LPIN2: variants seen among roughly 807,000 people sequenced by gnomAD.
The protein encoded by LPIN2 is phosphatidate phosphatase LPIN2.
A neutral mutation model predicts 111.4 loss-of-function variants in LPIN2; 55 were observed. The observed-to-expected ratio is 0.49, with a 90% confidence interval of 0.40 to 0.62. LPIN2 has a LOEUF of 0.62. LPIN2 is among the 20% of genes least tolerant of loss of function. The pLI is 0.00. For synonymous variants in LPIN2, 425 were observed against 414.0 expected, an observed-to-expected ratio of 1.03 and a Z score of -0.32; for missense variants, 992 against 1,112.1, an observed-to-expected ratio of 0.89 and a Z score of 1.54.
intron 4 of LPIN2, among the ~76,000 whole-genome samples, chr18:2,944,572 G>A (rs575201933): frequency 1.3e-5 from 2 of 151,906 alleles, no homozygotes; most frequent in Admixed American, 6.6e-5. Context: ...GGATGGTCTC[G>A]ATCTCCTGAC....
chr18:3,002,568 T>A (rs1371300199), intron 1 of LPIN2, among the ~76,000 whole-genome samples: 1 of 152,186 alleles, frequency 6.6e-6, no homozygotes, highest in Non-Finnish European at 1.5e-5. Flanking sequence ...GATGAAATGA[T>A]GGAAAAATCT....
intron 1 of LPIN2, chr18:2,977,330 A>G (rs2078037057): frequency 1.3e-5 from 2 of 152,222 alleles, no homozygotes; most frequent in African/African-American, 4.8e-5. Flanking sequence ...AAGTACATAC[A>G]CAGGTAACTA....
At chr18:2,936,813 C>G (rs2077292492) in intron 7 of LPIN2, among the ~76,000 whole-genome samples, 1 of 152,130 alleles carries the variant, frequency 6.6e-6, no homozygotes, top group South Asian at 2.1e-4. Flanking sequence ...ATCCTGAGCT[C>G]AAGTGATCTG....
intron 1 of LPIN2, among the ~76,000 whole-genome samples, chr18:2,988,012 C>CAAAAAAAAAAAAAAAAAAA (rs761121515): frequency 3.1e-5 from 1 of 32,348 alleles, no homozygotes; most frequent in Non-Finnish European, 6.4e-5. Flanking sequence ...GAGACTGTCT[C>CAAAAAAAAAAAAAAAAAAA]AAAAAAAAAA....
intron 6 of LPIN2, 81 bp downstream of exon 6, chr18:2,939,399 G>C: frequency 6.5e-7 from 1 of 1,542,148 alleles, no homozygotes; most frequent in East Asian, 2.3e-5. Flanking sequence ...GTCAGAAATT[G>C]CCTCCTTTAC....
At chr18:3,006,846 A>AT (rs1193764852) in intron 1 of LPIN2, among the ~76,000 whole-genome samples, 1 of 151,910 alleles carries the variant, frequency 6.6e-6, no homozygotes, top group East Asian at 1.9e-4. Context: ...CAAAAAAAAA[A>AT]AAAAGTAGCC....
intron 9 of LPIN2, among the ~76,000 whole-genome samples, chr18:2,930,607 G>A (rs529901534): frequency 1.5e-3 from 223 of 152,288 alleles, no homozygotes; most frequent in African/African-American, 5.2e-3. Flanking sequence ...AGGGGCCACA[G>A]GCCAAACTGA....
rs1458852702 is a variant in LPIN2, at chr18:3,006,653, C to T, written c.-10+6434G>A. Among the ~76,000 whole-genome samples the T allele has an allele frequency of 4.6e-5, 7 of 152,238 alleles. No homozygotes were observed. The South Asian group carries it at 6.2e-4, about 14-fold the overall frequency. ...GAGATCGAGACCACCCTGGCTAACA[C>T]GGTGAAACCCCGTCTCTACTAAAAA... On this transcript the variant is annotated intron_variant, in intron 1 of 19. Transcript: ENST00000677752.
rs73936870 is a variant in LPIN2 at position 2,937,652 on chromosome 18, A to G, written c.1168+40T>C. ...GGAACACTGAAATAATTTACCATCT[A>G]ATTTGAGAGTACCTGGAGCCAAATT... On this transcript the variant is annotated intron_variant, in intron 7 of 19. Coordinates refer to ENST00000677752, the MANE Select transcript of LPIN2 (RefSeq NM_001375808.2). 7,880 of 1,531,784 alleles carry G rather than the reference A, an allele frequency of 5.1e-3. 198 individuals carry two copies. In the African/African-American group the frequency reaches 0.072, roughly 14 times the overall value. The allele number at this position is 1,531,784 out of a possible 1,614,324, so 94.9% of individuals were successfully genotyped here. A position where few individuals can be genotyped will look rare whatever the true frequency, so the allele number is the denominator to read the frequency against.
At chr18:2,993,649 C>A (rs1175597742) in intron 1 of LPIN2, among the ~76,000 whole-genome samples, 2 of 152,186 alleles carry the variant, frequency 1.3e-5, no homozygotes, top group Non-Finnish European at 2.9e-5. Context: ...TACCTACACA[C>A]AACAGAGAGC....
intron 16 of LPIN2, among the ~76,000 whole-genome samples, chr18:2,922,754 T>C (rs936960600): frequency 1.3e-5 from 2 of 152,214 alleles, no homozygotes; most frequent in African/African-American, 2.4e-5. Context: ...AGTACTGATA[T>C]AAAATGTTCA....
chr18:2,980,750 C>T (rs574040422), intron 1 of LPIN2, among the ~76,000 whole-genome samples: 1 of 152,312 alleles, frequency 6.6e-6, no homozygotes, highest in East Asian at 1.9e-4. Flanking sequence ...GAGGTCTGGG[C>T]TCTGTGCCGG....
intron 1 of LPIN2, among the ~76,000 whole-genome samples, chr18:2,967,932 C>G (rs1450248297): frequency 1.3e-5 from 2 of 152,156 alleles, no homozygotes; most frequent in East Asian, 1.9e-4. Flanking sequence ...TGGCCTACCC[C>G]CCAGGAGCAC....
chr18:2,974,115 G>T (rs1380402740), intron 1 of LPIN2, among the ~76,000 whole-genome samples: 1 of 152,102 alleles, frequency 6.6e-6, no homozygotes, highest in Non-Finnish European at 1.5e-5. Flanking sequence ...GTTTTTTTGA[G>T]ATGCAGTCTT....
At chr18:2,921,172 A>AG in intron 18 of LPIN2, 1 of 551,914 alleles carries the variant, frequency 1.8e-6, no homozygotes, top group Non-Finnish European at 3.2e-6. Flanking sequence ...GCCCTGCAGA[A>AG]GGGAGGCAGG....
In LPIN2 at chr18:2,937,953, T is replaced by C; in HGVS notation, c.907A>G (p.Ser303Gly). The C allele has an allele frequency of 6.2e-7, 1 of 1,614,180 alleles. No individual in the cohort carries two copies. The highest frequency in any genetic ancestry group is 8.5e-7 in the Non-Finnish European group (1 of 1,180,028). ...SENTHFRVIP[S>G]EDNLISEVEK... ...ACTTCACTGATGAGGTTGTCCTCAC[T>C]GGGAATTACCCGAAAATGAGTATTT... Residue 303 changes from serine to glycine, a missense_variant, in exon 7 of 20, where the codon AGT becomes GGT. Physicochemically the swap from Ser to Gly is moderately conservative, Grantham distance 56. This residue lies in a region of LPIN2 where 709 missense variants were observed against 753.2 expected (regional missense o/e 0.94). Coordinates refer to ENST00000677752, the MANE Select transcript of LPIN2 (RefSeq NM_001375808.2).
chr18:2,993,863 G>C (rs2078302496), intron 1 of LPIN2, among the ~76,000 whole-genome samples: 1 of 152,178 alleles, frequency 6.6e-6, no homozygotes. Flanking sequence ...CAAACCAGCA[G>C]CATACATGTA....
At chr18:2,987,598 T>G (rs1363275262) in intron 1 of LPIN2, among the ~76,000 whole-genome samples, 4 of 152,208 alleles carry the variant, frequency 2.6e-5, no homozygotes, top group Admixed American at 6.5e-5. Context: ...AATTCAAGAT[T>G]TTCTCGACCA....
chr18:2,953,151 A>C (rs1051849608), intron 3 of LPIN2, among the ~76,000 whole-genome samples: 1 of 152,208 alleles, frequency 6.6e-6, no homozygotes, highest in Non-Finnish European at 1.5e-5. Context: ...CAATGTAGTC[A>C]TATGTGGAAT....
Sources: allele counts gnomAD v4.1 joint callset (sites outside exome capture counted in the v4.1 genomes callset), GRCh38; gene constraint gnomAD v4.1.1; regional missense constraint gnomAD v4.1.1; transcripts MANE v1.5; gene names NCBI Gene and HGNC (gene_info 2026-07-23, HGNC 2026-07-21).